TENM1: variants seen among roughly 807,000 people sequenced by gnomAD.
The protein encoded by TENM1 is teneurin transmembrane protein 1, also known as teneurin-1.
Under a neutral mutation model 174.8 loss-of-function variants are expected in TENM1, and 35 were observed. The observed-to-expected ratio is 0.20, with a 90% CI of 0.15 to 0.27. TENM1 has a LOEUF of 0.27. Ranked by LOEUF, TENM1 falls within the 10% of genes least tolerant of loss-of-function variation. The probability of loss-of-function intolerance (pLI) is 1.00; values close to 1 mark genes in which losing one functional copy is unlikely to be tolerated. For synonymous variants in TENM1, 781 were observed against 798.7 expected, an observed-to-expected ratio of 0.98 and a Z score of 0.37; for missense variants, 1,633 against 2,130.1, an observed-to-expected ratio of 0.77 and a Z score of 4.59.
chrX:124,448,416 C>T (rs1294602390), intron 23 of TENM1, among the ~76,000 whole-genome samples: 2 of 111,830 alleles, frequency 1.8e-5, no homozygotes, highest in Non-Finnish European at 1.9e-5. Context: ...GGTCTCCCTG[C>T]CTCTAGTGTT....
chrX:124,871,148 C>A (rs2057101619), intron 3 of TENM1, among the ~76,000 whole-genome samples: 1 of 111,817 alleles, frequency 8.9e-6, no homozygotes, highest in Non-Finnish European at 1.9e-5. Context: ...TCTCCCTTTT[C>A]CCCCTTCCTC....
At chrX:124,764,123 T>A (rs765500751) in intron 3 of TENM1, among the ~76,000 whole-genome samples, 1 of 112,114 alleles carries the variant, frequency 8.9e-6, no homozygotes, top group South Asian at 3.7e-4. Context: ...AGACCTCAGG[T>A]CCTCAAAGGA....
chrX:124,466,329 C>CTGAT (rs949285566), intron 22 of TENM1, among the ~76,000 whole-genome samples: 2 of 112,024 alleles, frequency 1.8e-5, no homozygotes, highest in African/African-American at 6.5e-5. Context: ...GGCAGTGACT[C>CTGAT]TGATAAAGGA....
At chrX:124,471,884 T>C in intron 22 of TENM1, among the ~76,000 whole-genome samples, 1 of 105,038 alleles carries the variant, frequency 9.5e-6, no homozygotes, top group Middle Eastern at 4.9e-3. Flanking sequence ...TTGAATGCTA[T>C]CTTGTGAATA....
intron 3 of TENM1, among the ~76,000 whole-genome samples, chrX:124,775,779 AG>A (rs755789879): frequency 9.8e-5 from 11 of 112,162 alleles, no homozygotes; most frequent in Non-Finnish European, 1.9e-4. Flanking sequence ...TTGTTATGGT[AG>A]AAAGTACAGG....
chrX:124,750,056 T>G (rs1212912268), intron 3 of TENM1, among the ~76,000 whole-genome samples: 2 of 112,157 alleles, frequency 1.8e-5, no homozygotes, highest in Non-Finnish European at 3.8e-5. Context: ...AGTGATGACT[T>G]ACATATATTC....
chrX:124,732,612 T>C (rs745967127), intron 4 of TENM1, among the ~76,000 whole-genome samples: 1 of 111,915 alleles, frequency 8.9e-6, no homozygotes, highest in Non-Finnish European at 1.9e-5. Flanking sequence ...AAATTCCCTC[T>C]TAGGGTTTTG....
intron 1 of TENM1, among the ~76,000 whole-genome samples, chrX:124,901,317 T>A (rs1245008762): frequency 7.2e-5 from 8 of 111,281 alleles, no homozygotes; most frequent in Middle Eastern, 4.6e-3. Flanking sequence ...AATTTTTTTT[T>A]AAATGCTATG....
the TENM1 span, among the ~76,000 whole-genome samples, chrX:125,179,657 T>C: frequency 9.0e-6 from 1 of 110,790 alleles, no homozygotes; most frequent in Non-Finnish European, 1.9e-5. Flanking sequence ...TCAAATCCCA[T>C]GGTTCTCAAA....
In TENM1 at chrX:124,671,989, T is replaced by C. The variant is rs146749195; in HGVS notation, c.1016-154A>G. ...TATACCTATACATCATACATGTAGC[T>C]ACTTACATGCTACGACACACATATA... On this transcript the variant is annotated intron_variant, in intron 5 of 31. Coordinates refer to ENST00000422452, the Ensembl canonical transcript of TENM1. Among the ~76,000 whole-genome samples, 48 of 112,477 alleles carry C rather than the reference T, an allele frequency of 4.3e-4. 3 individuals are homozygous for C. In the East Asian group the frequency reaches 0.01, roughly 24 times the overall value.
chrX:124,579,848 TA>T (rs1206904011), intron 11 of TENM1, among the ~76,000 whole-genome samples: 1 of 111,958 alleles, frequency 8.9e-6, no homozygotes, highest in Non-Finnish European at 1.9e-5. Flanking sequence ...CTGATGAACA[TA>T]AAAGTATCTG....
intron 16 of TENM1, among the ~76,000 whole-genome samples, chrX:124,528,934 A>G (rs2048042444): frequency 9.0e-6 from 1 of 111,656 alleles, no homozygotes; most frequent in African/African-American, 3.3e-5. Flanking sequence ...TAAATCCGGC[A>G]CAGCCCAAGT....
intron 1 of TENM1, among the ~76,000 whole-genome samples, chrX:124,919,478 T>C (rs1031306500): frequency 1.8e-5 from 2 of 111,650 alleles, no homozygotes; most frequent in African/African-American, 6.5e-5. Context: ...TTTAAGAAAT[T>C]TGTAAACATA....
the TENM1 span, among the ~76,000 whole-genome samples, chrX:125,093,478 T>A: frequency 8.9e-6 from 1 of 112,404 alleles, no homozygotes; most frequent in African/African-American, 3.2e-5. Context: ...AGGATGATGA[T>A]TCTGCTTTAA....
chrX:125,147,967 C>T, the TENM1 span, among the ~76,000 whole-genome samples: 3 of 111,517 alleles, frequency 2.7e-5, no homozygotes, highest in Non-Finnish European at 5.6e-5. Context: ...GAAATCAAGT[C>T]GTCATGTTTG....
exon 12 of TENM1, chrX:124,565,452 T>C: frequency 8.3e-7 from 1 of 1,210,188 alleles, no homozygotes; most frequent in Non-Finnish European, 1.1e-6. Context: ...CTCAGTACAA[T>C]GAGAATGACA....
At chrX:124,736,350 G>A (rs1311471094) in intron 4 of TENM1, among the ~76,000 whole-genome samples, 1 of 111,675 alleles carries the variant, frequency 9.0e-6, no homozygotes, top group Non-Finnish European at 1.9e-5. Context: ...AAAGCTCTGA[G>A]GAGTCAATCT....
At position 124,457,419 on chromosome X, in the gene TENM1, A is replaced by G. The variant is rs758779646; in HGVS notation, c.3950-3928T>C. Among the ~76,000 whole-genome samples, 41 of 112,052 alleles carry G rather than the reference A, an allele frequency of 3.7e-4. No individual in the cohort carries two copies. The South Asian group carries it at 6.4e-3, about 17-fold the overall frequency. ...TTATTCACAACATCCCATGCAAAGT[A>G]GGGGATATTATATAATATCTGAACT... On this transcript the variant is annotated intron_variant, in intron 22 of 31. Transcript: ENST00000422452.
rs192638846 is a variant in TENM1, at chrX:124,949,909, G to C, written c.217+13628C>G. ...GTTTAGTATTTTATTGAGGCTTGTT[G>C]GTTTTTAACATAGGGTAGAGGAGTC... On this transcript the variant is annotated intron_variant, in intron 1 of 31. Coordinates refer to ENST00000422452, the Ensembl canonical transcript of TENM1. Among the ~76,000 whole-genome samples, 603 of 111,390 alleles carry C rather than the reference G, an allele frequency of 5.4e-3. 4 individuals are homozygous for C. Among genetic ancestry groups the C allele is most frequent in the African/African-American group, 0.019 (574 of 30,615 alleles).
Sources: gnomAD v4.1 joint callset for allele counts (sites outside exome capture counted in the v4.1 genomes callset) on GRCh38, gnomAD v4.1.1 for gene constraint, MANE v1.5 for transcripts, NCBI Gene and HGNC (gene_info 2026-07-23, HGNC 2026-07-21) for gene names.